Variants in LRBA observed in about 807,000 individuals in gnomAD.
LRBA encodes the protein lipopolysaccharide-responsive and beige-like anchor protein.
Under a neutral mutation model 330.0 loss-of-function variants are expected in LRBA, and 176 were observed. The ratio of observed to expected loss-of-function variants is 0.53; its 90% CI spans 0.47 to 0.60. LRBA has a LOEUF of 0.60. Ranked by LOEUF, LRBA falls within the 20% of genes least tolerant of loss-of-function variation. The pLI, the probability that LRBA is intolerant of heterozygous loss-of-function variation, is 0.00. For missense variants in LRBA, 3,259 were observed against 3,444.8 expected, an observed-to-expected ratio of 0.95 and a Z score of 1.35; for synonymous variants, 1,230 against 1,193.0, an observed-to-expected ratio of 1.03 and a Z score of -0.64.
At chr4:150,476,546 CCA>C in intron 42 of LRBA, among the ~76,000 whole-genome samples, 1 of 152,272 alleles carries the variant, frequency 6.6e-6, no homozygotes, top group East Asian at 1.9e-4. Context: ...ACCACTCTAG[CCA>C]CACAGCCTAA....
At chr4:150,651,146 T>TA (rs1779669863) in intron 37 of LRBA, among the ~76,000 whole-genome samples, 1 of 152,206 alleles carries the variant, frequency 6.6e-6, no homozygotes, top group Non-Finnish European at 1.5e-5. Flanking sequence ...AGCACATGTT[T>TA]AGTGTATACT....
intron 28 of LRBA, among the ~76,000 whole-genome samples, chr4:150,833,401 G>A (rs1057140238): frequency 1.3e-5 from 2 of 151,974 alleles, no homozygotes; most frequent in African/African-American, 4.8e-5. Context: ...ATAAGAACAT[G>A]AAGAACACTG....
intron 2 of LRBA, among the ~76,000 whole-genome samples, chr4:151,007,325 C>A (rs1373712230): frequency 6.6e-6 from 1 of 151,814 alleles, no homozygotes; most frequent in East Asian, 1.9e-4. Context: ...CACAGTGAAA[C>A]CCTGTCTCTA....
intron 47 of LRBA, among the ~76,000 whole-genome samples, chr4:150,365,168 G>A (rs919903535): frequency 2.0e-5 from 3 of 151,752 alleles, no homozygotes; most frequent in Admixed American, 6.6e-5. Context: ...CACCACACCC[G>A]GCGAATTTTT....
At chr4:150,467,937 C>T (rs1162213215) in intron 43 of LRBA, 152 bp from the exon 44 acceptor site, 2 of 467,662 alleles carry the variant, frequency 4.3e-6, no homozygotes, top group Non-Finnish European at 7.7e-6. Context: ...ATCCTCACAA[C>T]AATCCTATGA....
intron 46 of LRBA, among the ~76,000 whole-genome samples, chr4:150,428,384 A>T (rs1391815696): frequency 6.6e-6 from 1 of 152,038 alleles, no homozygotes; most frequent in Non-Finnish European, 1.5e-5. Context: ...TAGAAAATTG[A>T]ATCATTAACA....
At chr4:150,981,975 A>C (rs918826260) in intron 2 of LRBA, among the ~76,000 whole-genome samples, 2 of 152,020 alleles carry the variant, frequency 1.3e-5, no homozygotes, top group Non-Finnish European at 2.9e-5. Flanking sequence ...AAAAAAAAAA[A>C]AAAAAGTAAC....
chr4:150,367,793 G>A (rs184228395), intron 47 of LRBA, among the ~76,000 whole-genome samples: 2 of 152,136 alleles, frequency 1.3e-5, no homozygotes, highest in Admixed American at 1.3e-4. Flanking sequence ...ATGAAGAAAG[G>A]GATAAATGTC....
intron 36 of LRBA, among the ~76,000 whole-genome samples, chr4:150,690,099 G>A (rs1783983603): frequency 6.6e-6 from 1 of 152,006 alleles, no homozygotes; most frequent in Non-Finnish European, 1.5e-5. Flanking sequence ...ACAGTTTATA[G>A]ATTTAAAGAT....
chr4:150,899,128 C>A (rs1730442533), intron 14 of LRBA, among the ~76,000 whole-genome samples: 1 of 152,078 alleles, frequency 6.6e-6, no homozygotes, highest in Non-Finnish European at 1.5e-5. Flanking sequence ...TAGGGGATGC[C>A]TCCATTTCTA....
Position 150,852,661 on chromosome 4 carries a change from C to A in LRBA, c.3049G>T (p.Glu1017Ter). ...IELQTTNTSYEEMKAEQENQE... is the reference protein window; with the variant it reads ...IELQTTNTSY ...TTTTCTTGCTCAGCTTTCATTTCTT[C>A]ATAAGATGTATTAGTAGTTTGCAGT... is the stretch of plus-strand genomic sequence containing the variant. Residue 1017 changes from glutamate (E) to a stop codon, truncating the protein, a stop_gained, in exon 23 of 57, where the codon GAA becomes TAA. Transcript: ENST00000651943. LOFTEE classifies it high-confidence loss of function. The A allele has an allele frequency of 1.9e-6, 3 of 1,614,080 alleles. No individual in the cohort carries two copies. Among genetic ancestry groups the A allele is most frequent in the Non-Finnish European group, 2.5e-6 (3 of 1,179,974 alleles).
intron 40 of LRBA, among the ~76,000 whole-genome samples, chr4:150,547,606 TAAG>T (rs1766011426): frequency 2.0e-5 from 3 of 152,292 alleles, no homozygotes; most frequent in Admixed American, 2.0e-4. Context: ...TTATTTCTGG[TAAG>T]AAGTAAACTT....
At chr4:150,347,403 T>C (rs1736524774) in intron 48 of LRBA, among the ~76,000 whole-genome samples, 1 of 152,136 alleles carries the variant, frequency 6.6e-6, no homozygotes, top group Non-Finnish European at 1.5e-5. Context: ...CCCAGCACTT[T>C]GGGAGGCCAA....
chr4:151,000,218 G>C (rs1026155970), intron 2 of LRBA, among the ~76,000 whole-genome samples: 4 of 152,122 alleles, frequency 2.6e-5, no homozygotes, highest in African/African-American at 9.7e-5. Context: ...AAGTTGAAAA[G>C]TCAAAACTAC....
intron 47 of LRBA, among the ~76,000 whole-genome samples, chr4:150,390,475 C>G (rs369313449): frequency 2.0e-5 from 3 of 152,178 alleles, no homozygotes; most frequent in East Asian, 3.9e-4. Flanking sequence ...AAGAGTGACC[C>G]TACCACTAAC....
chr4:150,359,235 T>C (rs1237941951), intron 47 of LRBA, among the ~76,000 whole-genome samples: 1 of 152,214 alleles, frequency 6.6e-6, no homozygotes, highest in Non-Finnish European at 1.5e-5. Flanking sequence ...CTCTCTCATC[T>C]ATTCATTCAG....
rs1479275588 is a variant in LRBA, at chr4:150,583,462, T to C, written c.6330+4586A>G. On this transcript the variant is annotated intron_variant, in intron 40 of 56. Coordinates refer to ENST00000651943, the MANE Select transcript of LRBA (RefSeq NM_001364905.1). This position sits in a 1 kb window ranked among gnomAD's most constrained non-coding sequence, Gnocchi z 9.8. ...GGCCCAGGCGGTGGACAAGTGCAGCTATCGGGATGTGGTCAAGATGATCGC... is the reference window on the plus strand; with the variant it reads ...GGCCCAGGCGGTGGACAAGTGCAGCCATCGGGATGTGGTCAAGATGATCGC... 1 of 1,613,824 alleles carries C rather than the reference T, an allele frequency of 6.2e-7. No homozygotes were observed. The highest frequency in any genetic ancestry group is 1.3e-5 in the African/African-American group (1 of 74,944).
intron 38 of LRBA, among the ~76,000 whole-genome samples, chr4:150,596,662 T>C (rs1362031141): frequency 1.3e-5 from 2 of 151,884 alleles, no homozygotes; most frequent in Non-Finnish European, 3.0e-5. Flanking sequence ...GCATACTTAA[T>C]TCTTAATAAG....
intron 48 of LRBA, among the ~76,000 whole-genome samples, chr4:150,333,791 T>A (rs1018369018): frequency 4.6e-5 from 7 of 152,148 alleles, no homozygotes; most frequent in African/African-American, 7.2e-5. Context: ...AACATATTAA[T>A]CAAATGACTA....
Sources: gnomAD v4.1 joint callset for allele counts (sites outside exome capture counted in the v4.1 genomes callset) on GRCh38, gnomAD v4.1.1 for gene constraint, Gnocchi (gnomAD v3.1) non-coding constraint, MANE v1.5 for transcripts, NCBI Gene and HGNC (gene_info 2026-07-23, HGNC 2026-07-21) for gene names.